MCU: variants seen among roughly 807,000 people sequenced by gnomAD.
MCU encodes the protein calcium uniporter protein, mitochondrial.
Under a neutral mutation model 45.2 loss-of-function variants are expected in MCU, and 12 were observed. That is an observed-to-expected ratio of 0.27 (90% CI 0.17 to 0.43). The LOEUF (loss-of-function observed/expected upper bound fraction) is 0.43. MCU is among the 20% of genes least tolerant of loss of function. The pLI is 1.00. For synonymous variants in MCU, 160 were observed against 165.1 expected (o/e 0.97, Z 0.24); for missense variants, 324 against 436.7 (o/e 0.74, Z 2.30).
At chr10:72,823,994 T>C (rs1411601555) in intron 1 of MCU, among the ~76,000 whole-genome samples, 6 of 152,100 alleles carry the variant, frequency 3.9e-5, no homozygotes, top group African/African-American at 1.4e-4. Context: ...AAGGATGCAA[T>C]GAGCTAGGAT....
At chr10:72,840,152 C>T (rs1053002441) in intron 2 of MCU, among the ~76,000 whole-genome samples, 6 of 152,148 alleles carry the variant, frequency 3.9e-5, no homozygotes, top group African/African-American at 1.4e-4. Context: ...TACATTCCCA[C>T]CAGCAGTACA....
intron 6 of MCU, among the ~76,000 whole-genome samples, chr10:72,882,588 G>A (rs1339753148): frequency 1.3e-5 from 2 of 152,120 alleles, no homozygotes; most frequent in African/African-American, 2.4e-5. Context: ...ATTAGGAAGA[G>A]GAAATTCCCA....
chr10:72,857,575 G>A (rs1311451824), intron 2 of MCU, among the ~76,000 whole-genome samples: 1 of 152,078 alleles, frequency 6.6e-6, no homozygotes, highest in African/African-American at 2.4e-5. Flanking sequence ...GAGGCTCAGA[G>A]AAGTTATATA....
chr10:72,851,425 G>A (rs1176224637), intron 2 of MCU, among the ~76,000 whole-genome samples: 1 of 152,210 alleles, frequency 6.6e-6, no homozygotes, highest in South Asian at 2.1e-4. Context: ...TTCACACAGA[G>A]CTGGCTGAAC....
At chr10:72,828,347 T>A (rs1844828438) in intron 1 of MCU, among the ~76,000 whole-genome samples, 1 of 152,158 alleles carries the variant, frequency 6.6e-6, no homozygotes, top group South Asian at 2.1e-4. Flanking sequence ...TTTGATGTAG[T>A]TAATGTAGTT....
chr10:72,850,519 C>T (rs1012125428), intron 2 of MCU, among the ~76,000 whole-genome samples: 12 of 152,116 alleles, frequency 7.9e-5, no homozygotes, highest in Non-Finnish European at 1.8e-4. Context: ...AAACTTCATA[C>T]TATATATTTT....
chr10:72,786,052 T>C (rs182589524), intron 1 of MCU, among the ~76,000 whole-genome samples: 306 of 152,328 alleles, frequency 2.0e-3, no homozygotes, highest in African/African-American at 7.0e-3. Context: ...GGTATTATGC[T>C]GTGCAATAAA....
chr10:72,807,858 T>C (rs1844476079), intron 1 of MCU, among the ~76,000 whole-genome samples: 1 of 152,184 alleles, frequency 6.6e-6, no homozygotes, highest in Non-Finnish European at 1.5e-5. Flanking sequence ...TAGCAGGAAA[T>C]AGAAAAAACT....
At chr10:72,851,203 C>T (rs1845202555) in intron 2 of MCU, among the ~76,000 whole-genome samples, 1 of 152,186 alleles carries the variant, frequency 6.6e-6, no homozygotes, top group African/African-American at 2.4e-5. Flanking sequence ...AAGCATCATG[C>T]TCTTTAAAGG....
intron 1 of MCU, among the ~76,000 whole-genome samples, chr10:72,736,020 G>A (rs769308420): frequency 5.3e-5 from 8 of 152,138 alleles, no homozygotes; most frequent in Non-Finnish European, 1.2e-4. Flanking sequence ...GTAAACACTT[G>A]TTTCTTGGCT....
chr10:72,779,641 A>G (rs1289239654), intron 1 of MCU, among the ~76,000 whole-genome samples: 5 of 152,244 alleles, frequency 3.3e-5, no homozygotes, highest in Non-Finnish European at 5.9e-5. Flanking sequence ...TGACATTTCT[A>G]TAAGGAGATG....
chr10:72,826,930 A>G (rs1490648560), intron 1 of MCU, among the ~76,000 whole-genome samples: 2 of 152,192 alleles, frequency 1.3e-5, no homozygotes, highest in Non-Finnish European at 2.9e-5. Context: ...ACATTTGTGT[A>G]ACTTTTATTA....
intron 1 of MCU, among the ~76,000 whole-genome samples, chr10:72,814,298 G>T (rs1589475699): frequency 6.6e-6 from 1 of 152,278 alleles, no homozygotes; most frequent in East Asian, 1.9e-4. Flanking sequence ...TGGCATGGCT[G>T]CTGGAACGGA....
At chr10:72,866,639 T>C (rs1845461732) in intron 4 of MCU, among the ~76,000 whole-genome samples, 1 of 151,998 alleles carries the variant, frequency 6.6e-6, no homozygotes, top group African/African-American at 2.4e-5. Flanking sequence ...TCGTGATTCG[T>C]CCACCTTTGC....
intron 2 of MCU, among the ~76,000 whole-genome samples, chr10:72,839,203 T>C (rs779650957): frequency 1.1e-4 from 17 of 152,130 alleles, no homozygotes; most frequent in Non-Finnish European, 2.4e-4. Flanking sequence ...TTGGCCACGC[T>C]GGTCTCGAAC....
intron 2 of MCU, among the ~76,000 whole-genome samples, chr10:72,836,088 CA>C (rs1844951809): frequency 6.6e-6 from 1 of 151,938 alleles, no homozygotes; most frequent in Non-Finnish European, 1.5e-5. Flanking sequence ...ACTCCATTAC[CA>C]CTGCAGGGTG....
intron 1 of MCU, among the ~76,000 whole-genome samples, chr10:72,774,874 C>T (rs1843867004): frequency 6.6e-6 from 1 of 151,822 alleles, no homozygotes. Flanking sequence ...GTCTATGTAC[C>T]CAATACTGGA....
intron 1 of MCU, among the ~76,000 whole-genome samples, chr10:72,754,926 C>T (rs1387510768): frequency 6.6e-6 from 1 of 152,218 alleles, no homozygotes; most frequent in Non-Finnish European, 1.5e-5. Context: ...TTTCTTAGCA[C>T]TTCTACAGAG....
At chr10:72,860,785 A>T (rs980441190) in intron 4 of MCU, among the ~76,000 whole-genome samples, 1 of 152,200 alleles carries the variant, frequency 6.6e-6, no homozygotes, top group Non-Finnish European at 1.5e-5. Context: ...TGTTTCACAT[A>T]AATGAATGTC....
Sources: gnomAD v4.1 joint callset for allele counts (sites outside exome capture counted in the v4.1 genomes callset) on GRCh38, gnomAD v4.1.1 for gene constraint, MANE v1.5 for transcripts, NCBI Gene and HGNC (gene_info 2026-07-23, HGNC 2026-07-21) for gene names.